The following PDE8B variants were observed in gnomAD, a reference collection of about 807,000 sequenced individuals.
PDE8B encodes the protein phosphodiesterase 8B.
In PDE8B, 26 loss-of-function variants were observed where a neutral mutation model predicts 101.3. The observed-to-expected ratio is 0.26, with a 90% CI of 0.19 to 0.36. PDE8B has a LOEUF of 0.36. Ranked by LOEUF, PDE8B falls within the 10% of genes least tolerant of loss-of-function variation. The pLI is 1.00. For missense variants in PDE8B, 810 were observed against 1,163.1 expected (o/e 0.70, Z 4.42); for synonymous variants, 424 against 429.3 (o/e 0.99, Z 0.15).
chr5:77,275,034 A>G (rs957682816), intron 1 of PDE8B, among the ~76,000 whole-genome samples: 1 of 152,120 alleles, frequency 6.6e-6, no homozygotes, highest in African/African-American at 2.4e-5. Flanking sequence ...AAAACCAAGC[A>G]TAATATCACC....
chr5:77,417,359 G>C (rs2151148718), intron 17 of PDE8B, among the ~76,000 whole-genome samples: 1 of 152,274 alleles, frequency 6.6e-6, no homozygotes, highest in Middle Eastern at 3.4e-3. Flanking sequence ...ACTTCCGTTT[G>C]TGTTTTTAAA....
At chr5:77,415,351 A>ATTTTTTTT (rs71606293) in intron 17 of PDE8B, among the ~76,000 whole-genome samples, 5 of 88,722 alleles carry the variant, frequency 5.6e-5, no homozygotes, top group Admixed American at 1.3e-4. Context: ...ATAAGCTAAA[A>ATTTTTTTT]TTTTTTTTTT....
rs527402622 is a variant in PDE8B at position 77,422,587 on chromosome 5, A to AT, written c.2418+599_2418+600insT. 5.7e-4 allele frequency among the ~76,000 whole-genome samples: 87 copies of AT among 152,344 alleles called. No individual in the cohort carries two copies. The East Asian group carries it at 0.011, about 20-fold the overall frequency. On this transcript the variant is annotated intron_variant, in intron 20 of 21. Coordinates refer to ENST00000264917, the MANE Select transcript of PDE8B (RefSeq NM_003719.5). ...GAGGGGAAATAGAATTTTTATAAAA[A>AT]GGGAAGAGCAATATGTAGTTCACTT...
In PDE8B at chr5:77,409,006, T is replaced by G. The variant is rs752610146; in HGVS notation, c.1479T>G (p.Gly493=). Residue 493 remains glycine, a synonymous_variant, in exon 14 of 22, where the codon GGT becomes GGG. Transcript: ENST00000264917. Reference sequence around the variant, plus strand: ...CAGAACTGTACTCCCCTCAGCTGGGTACCAAAGATGAAGATCCCCACACCA... The same window carrying G: ...CAGAACTGTACTCCCCTCAGCTGGGGACCAAAGATGAAGATCCCCACACCA... The part of the protein sequence containing the change: ...RTTELYSPQL[G]TKDEDPHTSD... The G allele has an allele frequency of 6.2e-7, 1 of 1,613,584 alleles. No individual in the cohort carries two copies. The highest frequency in any genetic ancestry group is 1.3e-5 in the African/African-American group (1 of 74,920).
intron 11 of PDE8B, among the ~76,000 whole-genome samples, chr5:77,403,794 T>C (rs1242867956): frequency 6.6e-6 from 1 of 151,980 alleles, no homozygotes; most frequent in Admixed American, 6.6e-5. Context: ...AGAATGTCCC[T>C]CAAGTTTTAA....
chr5:77,303,378 A>G (rs2150053388), intron 1 of PDE8B, among the ~76,000 whole-genome samples: 1 of 152,158 alleles, frequency 6.6e-6, no homozygotes, highest in South Asian at 2.1e-4. Flanking sequence ...CGTCTCTACT[A>G]AAATACAAAA....
At chr5:77,400,409 A>G in intron 11 of PDE8B, 119 bp downstream of exon 11, 1 of 753,000 alleles carries the variant, frequency 1.3e-6, no homozygotes, top group Non-Finnish European at 2.4e-6. Context: ...GAGTGCTAAA[A>G]TCCACGTGCT....
intron 1 of PDE8B, among the ~76,000 whole-genome samples, chr5:77,268,611 T>A (rs113819949): frequency 5.9e-5 from 9 of 152,058 alleles, no homozygotes; most frequent in African/African-American, 2.2e-4. Flanking sequence ...GAACATGTGA[T>A]GTTTGTCTTT....
chr5:77,126,352 T>C, the PDE8B span, among the ~76,000 whole-genome samples: 1 of 152,132 alleles, frequency 6.6e-6, no homozygotes, highest in Non-Finnish European at 1.5e-5. Context: ...ATATACGTCA[T>C]TTGAGGAGGA....
chr5:77,189,887 G>A, the PDE8B span, among the ~76,000 whole-genome samples: 1 of 152,210 alleles, frequency 6.6e-6, no homozygotes, highest in African/African-American at 2.4e-5. Context: ...AGAGGTTTTG[G>A]CAGCTTAGAC....
chr5:77,394,233 A>G (rs1318653721), intron 10 of PDE8B, among the ~76,000 whole-genome samples: 1 of 152,214 alleles, frequency 6.6e-6, no homozygotes. Context: ...GGCCATCCAC[A>G]AACCAAGCAG....
At chr5:77,425,653 C>A in intron 20 of PDE8B, 114 bp from the exon 21 acceptor site, 6 of 1,077,774 alleles carry the variant, frequency 5.6e-6, no homozygotes, top group East Asian at 4.8e-5. Flanking sequence ...CCTATTTCTT[C>A]ATTGAGAAAA....
chr5:77,291,033 C>G (rs1354154217), intron 1 of PDE8B: 13 of 1,611,846 alleles, frequency 8.1e-6, no homozygotes, highest in African/African-American at 2.7e-5. Context: ...ACAGATGGCC[C>G]TGATGGTGCA....
chr5:77,120,605 G>C, the PDE8B span, among the ~76,000 whole-genome samples: 1 of 152,198 alleles, frequency 6.6e-6, no homozygotes, highest in Admixed American at 6.5e-5. Flanking sequence ...TAAGATATTA[G>C]TTGTACAATC....
the PDE8B span, among the ~76,000 whole-genome samples, chr5:77,093,543 CTT>C: frequency 1.1e-3 from 161 of 152,270 alleles, 1 homozygote; most frequent in African/African-American, 3.8e-3. Flanking sequence ...TGAGTAGAAA[CTT>C]TGCTCAACTA....
At chr5:77,347,922 G>A (rs777083730) in intron 7 of PDE8B, among the ~76,000 whole-genome samples, 52 of 152,260 alleles carry the variant, frequency 3.4e-4, no homozygotes, top group Non-Finnish European at 5.6e-4. Context: ...CAGGGGCTAC[G>A]CTGTAAGTGA....
rs1162486906 is a variant in PDE8B, at chr5:77,211,621, GTCCTGTTGAATGAA to G, written c.339+358_339+371del. ...GACCATTGAGAGCATTCGGTGGCCA[GTCCTGTTGAATGAA>G]ATCTGAGCACTGAGCTGGATTTGCG... is the stretch of plus-strand genomic sequence containing the variant. On this transcript the variant is annotated intron_variant, in intron 1 of 21. Transcript: ENST00000264917. The surrounding 1 kb of genome is among the most constrained non-coding windows in gnomAD (Gnocchi z 4.1). Among the ~76,000 whole-genome samples, 3 of 152,218 alleles carry G rather than the reference GTCCTGTTGAATGAA, an allele frequency of 2.0e-5. No homozygotes were observed. Among genetic ancestry groups the G allele is most frequent in the Non-Finnish European group, 4.4e-5 (3 of 68,042 alleles).
the PDE8B span, among the ~76,000 whole-genome samples, chr5:77,100,985 T>A: frequency 7.4e-6 from 1 of 134,504 alleles, no homozygotes; most frequent in Admixed American, 8.3e-5. Context: ...TTTTTTTTTT[T>A]TTGAGATAAG....
intron 6 of PDE8B, among the ~76,000 whole-genome samples, chr5:77,342,514 G>GTT (rs34891839): frequency 6.8e-6 from 1 of 146,922 alleles, no homozygotes. Context: ...ATTTTTCAGA[G>GTT]TTTTTTTTTT....
Sources: gnomAD v4.1 joint callset for allele counts (sites outside exome capture counted in the v4.1 genomes callset) on GRCh38, gnomAD v4.1.1 for gene constraint, Gnocchi (gnomAD v3.1) non-coding constraint, MANE v1.5 for transcripts, NCBI Gene and HGNC (gene_info 2026-07-23, HGNC 2026-07-21) for gene names.